Variants in PLXNA2 observed in about 807,000 individuals in gnomAD.
PLXNA2 encodes the protein plexin A2.
Under a neutral mutation model 193.5 loss-of-function variants are expected in PLXNA2, and 91 were observed. That is an observed-to-expected ratio of 0.47 (90% confidence interval 0.40 to 0.56). PLXNA2 has a LOEUF of 0.56. Ranked by LOEUF, PLXNA2 falls within the 20% of genes least tolerant of loss-of-function variation. The probability of loss-of-function intolerance (pLI) is 0.00; values close to 1 mark genes in which losing one functional copy is unlikely to be tolerated. For missense variants in PLXNA2, 1,995 were observed against 2,503.2 expected, an observed-to-expected ratio of 0.80 and a Z score of 4.33; for synonymous variants, 997 against 1,027.3, an observed-to-expected ratio of 0.97 and a Z score of 0.56.
chr1:208,058,395 A>G (rs1252222979), intron 13 of PLXNA2, among the ~76,000 whole-genome samples: 8 of 152,192 alleles, frequency 5.3e-5, no homozygotes, highest in Non-Finnish European at 7.3e-5. Context: ...ATGGCGCAGC[A>G]CAAGCATATG....
intron 3 of PLXNA2, among the ~76,000 whole-genome samples, chr1:208,180,124 TCCA>T (rs764409234): frequency 1.3e-5 from 2 of 150,808 alleles, no homozygotes; most frequent in Non-Finnish European, 2.9e-5. Flanking sequence ...TTGTTCCTCC[TCCA>T]CAACAGGCGG....
intron 26 of PLXNA2, among the ~76,000 whole-genome samples, chr1:208,037,778 A>G (rs601078): frequency 0.42 from 62,887 of 151,374 alleles, 13,781 homozygotes; most frequent in East Asian, 0.75. Flanking sequence ...CCAGTGTGCT[A>G]AACACCTCAC....
intron 19 of PLXNA2, 44 bp downstream of exon 19, chr1:208,045,023 C>T: frequency 9.3e-6 from 15 of 1,612,092 alleles, no homozygotes; most frequent in Non-Finnish European, 1.2e-5. Flanking sequence ...CACACATGCA[C>T]CACGAGGCGG....
At chr1:208,168,726 T>A (rs1281927579) in intron 3 of PLXNA2, among the ~76,000 whole-genome samples, 1 of 51,688 alleles carries the variant, frequency 1.9e-5, no homozygotes, top group Non-Finnish European at 4.8e-5. Flanking sequence ...TATGCGGGGT[T>A]TTTTTTTTTT....
At chr1:208,042,031 T>A (rs1664886367) in intron 22 of PLXNA2, 67 bp downstream of exon 22, 1 of 1,528,774 alleles carries the variant, frequency 6.5e-7, no homozygotes, top group Admixed American at 1.8e-5. Context: ...TGGGGCCTGC[T>A]ATAATGAGGT....
chr1:208,157,835 T>A (rs936852247), intron 3 of PLXNA2, among the ~76,000 whole-genome samples: 4 of 152,228 alleles, frequency 2.6e-5, no homozygotes, highest in African/African-American at 9.7e-5. Flanking sequence ...AATAAATTAA[T>A]GAATGAATGC....
chr1:208,218,448 A>G (rs1671218847), intron 1 of PLXNA2, among the ~76,000 whole-genome samples: 1 of 152,098 alleles, frequency 6.6e-6, no homozygotes, highest in African/African-American at 2.4e-5. Flanking sequence ...CAGGCTCTCC[A>G]GGTCAACTGC....
chr1:208,182,707 G>C (rs1669883091), intron 3 of PLXNA2, among the ~76,000 whole-genome samples: 1 of 151,912 alleles, frequency 6.6e-6, no homozygotes, highest in Non-Finnish European at 1.5e-5. Context: ...GTAGTTCTGA[G>C]CAAGAAAAGG....
chr1:208,232,173 C>T (rs1303239122), intron 1 of PLXNA2, among the ~76,000 whole-genome samples: 1 of 152,182 alleles, frequency 6.6e-6, no homozygotes, highest in Non-Finnish European at 1.5e-5. Flanking sequence ...GGGGCTTGCA[C>T]AGGTGGTGGC....
chr1:208,088,745 C>G (rs551804233), intron 9 of PLXNA2, among the ~76,000 whole-genome samples: 4 of 152,312 alleles, frequency 2.6e-5, no homozygotes, highest in Non-Finnish European at 4.4e-5. Flanking sequence ...TAATATCTGA[C>G]AAACCTAGAT....
intron 4 of PLXNA2, among the ~76,000 whole-genome samples, chr1:208,111,544 G>A (rs1667475825): frequency 6.6e-6 from 1 of 152,078 alleles, no homozygotes; most frequent in Admixed American, 6.6e-5. Flanking sequence ...CAGCTGTGTC[G>A]CCATGGGCAC....
At chr1:208,074,441 C>T (rs552207185) in intron 12 of PLXNA2, among the ~76,000 whole-genome samples, 2 of 152,206 alleles carry the variant, frequency 1.3e-5, no homozygotes, top group South Asian at 2.1e-4. Context: ...TATCACACCA[C>T]GAGCTGGCTG....
intron 4 of PLXNA2, among the ~76,000 whole-genome samples, chr1:208,113,001 C>A (rs1667529922): frequency 1.3e-5 from 1 of 74,564 alleles, no homozygotes; most frequent in African/African-American, 5.1e-5. Flanking sequence ...TTTGGAAGGA[C>A]CTACAAAAAA....
intron 3 of PLXNA2, among the ~76,000 whole-genome samples, chr1:208,164,745 T>C (rs899699165): frequency 1.3e-5 from 2 of 152,204 alleles, no homozygotes; most frequent in Non-Finnish European, 1.5e-5. Flanking sequence ...TTCAGATCCC[T>C]GGGCGTCAGT....
chr1:208,030,766 G>C, intron 29 of PLXNA2: 2 of 985,392 alleles, frequency 2.0e-6, no homozygotes, highest in Non-Finnish European at 2.4e-6. Flanking sequence ...CAAATGCCTG[G>C]ACCTCCCCTC....
chr1:208,107,281 A>T (rs1338009365), intron 4 of PLXNA2, among the ~76,000 whole-genome samples: 1 of 152,136 alleles, frequency 6.6e-6, no homozygotes, highest in Non-Finnish European at 1.5e-5. Flanking sequence ...CAGGCCAACC[A>T]CTGATATAGA....
chr1:208,243,104 C>T (rs538273393), intron 1 of PLXNA2, among the ~76,000 whole-genome samples: 1 of 152,290 alleles, frequency 6.6e-6, no homozygotes, highest in African/African-American at 2.4e-5. Context: ...TTATGGAACC[C>T]GCGCAAATGA....
chr1:208,225,666 G>A (rs1224632770), intron 1 of PLXNA2, among the ~76,000 whole-genome samples: 1 of 152,174 alleles, frequency 6.6e-6, no homozygotes, highest in Non-Finnish European at 1.5e-5. Context: ...CACTAGGGTA[G>A]GCTCTAATGC....
intron 4 of PLXNA2, among the ~76,000 whole-genome samples, chr1:208,133,678 C>T (rs1196796863): frequency 1.3e-5 from 2 of 152,196 alleles, no homozygotes; most frequent in Non-Finnish European, 2.9e-5. Flanking sequence ...TCTCTTGGGC[C>T]TAGGTTGTTT....
Sources: gnomAD v4.1 joint callset for allele counts (sites outside exome capture counted in the v4.1 genomes callset) on GRCh38, gnomAD v4.1.1 for gene constraint, MANE v1.5 for transcripts, NCBI Gene and HGNC (gene_info 2026-07-23, HGNC 2026-07-21) for gene names.